The following MACROD2 variants were observed in gnomAD, a reference collection of about 807,000 sequenced individuals.
The protein encoded by MACROD2 is mono-ADP ribosylhydrolase 2.
Under a neutral mutation model 70.4 loss-of-function variants are expected in MACROD2, and 36 were observed. That is an observed-to-expected ratio of 0.51 (90% CI 0.39 to 0.68). The LOEUF is 0.68. Ranked by LOEUF, MACROD2 falls within the 30% of genes least tolerant of loss-of-function variation. MACROD2 has a pLI of 0.00. For missense variants in MACROD2, 496 were observed against 538.4 expected (o/e 0.92, Z 0.78); for synonymous variants, 172 against 178.8 (o/e 0.96, Z 0.30).
chr20:14,444,112 A>G (rs2084157010), intron 3 of MACROD2, among the ~76,000 whole-genome samples: 1 of 152,168 alleles, frequency 6.6e-6, no homozygotes, highest in Non-Finnish European at 1.5e-5. Flanking sequence ...ACTATATAAA[A>G]TGGACAAATA....
chr20:14,424,136 T>C (rs1268763967), intron 3 of MACROD2, among the ~76,000 whole-genome samples: 1 of 152,224 alleles, frequency 6.6e-6, no homozygotes, highest in African/African-American at 2.4e-5. Context: ...AAAGTAATTA[T>C]ACACAAACCA....
chr20:14,345,763 T>C (rs1488560057), intron 3 of MACROD2, among the ~76,000 whole-genome samples: 2 of 151,982 alleles, frequency 1.3e-5, no homozygotes, highest in East Asian at 3.9e-4. Flanking sequence ...CAACAAGTTG[T>C]TCATTATTTA....
intron 4 of MACROD2, among the ~76,000 whole-genome samples, chr20:14,616,977 C>A (rs373673732): frequency 8.5e-5 from 13 of 152,122 alleles, no homozygotes; most frequent in East Asian, 5.8e-4. Flanking sequence ...TTGAGAGTCT[C>A]AATTTTATTG....
intron 13 of MACROD2, among the ~76,000 whole-genome samples, chr20:15,977,500 A>C (rs549823624): frequency 8.5e-5 from 13 of 152,364 alleles, no homozygotes; most frequent in Non-Finnish European, 1.8e-4. Context: ...GTAGCATACA[A>C]GACTTTACCT....
chr20:14,235,597 A>T (rs2081862099), intron 3 of MACROD2, among the ~76,000 whole-genome samples: 1 of 152,168 alleles, frequency 6.6e-6, no homozygotes, highest in East Asian at 1.9e-4. Context: ...AGGAACAACC[A>T]ACTACATTTA....
At chr20:15,914,167 G>A (rs542447511) in intron 10 of MACROD2, among the ~76,000 whole-genome samples, 51 of 152,320 alleles carry the variant, frequency 3.3e-4, no homozygotes, top group African/African-American at 9.6e-4. Context: ...TGCCCTGTAT[G>A]TAATTTAGGT....
intron 7 of MACROD2, among the ~76,000 whole-genome samples, chr20:15,453,856 C>G (rs1279789705): frequency 2.0e-5 from 3 of 152,122 alleles, no homozygotes; most frequent in South Asian, 2.1e-4. Context: ...GCCAGTGCTT[C>G]TAGTTATCTC....
At chr20:15,142,559 C>T (rs541988426) in intron 5 of MACROD2, among the ~76,000 whole-genome samples, 10 of 152,070 alleles carry the variant, frequency 6.6e-5, no homozygotes, top group East Asian at 1.9e-4. Flanking sequence ...ATGTGCACAA[C>T]GTGCAGATTT....
At chr20:15,624,627 A>G (rs1322824601) in intron 8 of MACROD2, among the ~76,000 whole-genome samples, 8 of 152,194 alleles carry the variant, frequency 5.3e-5, no homozygotes, top group Non-Finnish European at 2.9e-5. Context: ...AGCCATGCCC[A>G]TTTTTAAAAT....
At chr20:14,405,554 C>T (rs1446700546) in intron 3 of MACROD2, among the ~76,000 whole-genome samples, 1 of 152,112 alleles carries the variant, frequency 6.6e-6, no homozygotes, top group Non-Finnish European at 1.5e-5. Flanking sequence ...CACTTGAACT[C>T]ATTAGAAGAT....
intron 5 of MACROD2, among the ~76,000 whole-genome samples, chr20:15,075,353 GA>G (rs1319775341): frequency 6.6e-5 from 10 of 152,186 alleles, no homozygotes; most frequent in Admixed American, 5.9e-4. Flanking sequence ...CATTTGGTCA[GA>G]AAACTAAAGG....
intron 5 of MACROD2, among the ~76,000 whole-genome samples, chr20:14,851,360 C>A (rs887705236): frequency 1.3e-5 from 2 of 152,098 alleles, no homozygotes; most frequent in African/African-American, 4.8e-5. Flanking sequence ...CAGCACAGAA[C>A]AATTACAATG....
intron 8 of MACROD2, among the ~76,000 whole-genome samples, chr20:15,815,032 G>T (rs1176726935): frequency 6.6e-6 from 1 of 152,152 alleles, no homozygotes; most frequent in African/African-American, 2.4e-5. Flanking sequence ...CAGGGCAGAG[G>T]GGGTACTTTA....
At chr20:15,888,618 C>T (rs1015867136) in intron 10 of MACROD2, among the ~76,000 whole-genome samples, 20 of 152,236 alleles carry the variant, frequency 1.3e-4, no homozygotes, top group Middle Eastern at 3.4e-3. Flanking sequence ...TGAGGTTCAG[C>T]GGCATTAATT....
chr20:15,373,189 T>C (rs1429110809), intron 6 of MACROD2, among the ~76,000 whole-genome samples: 2 of 152,238 alleles, frequency 1.3e-5, no homozygotes, highest in African/African-American at 2.4e-5. Context: ...TGATAGGCCA[T>C]GTTTCTATAA....
intron 3 of MACROD2, among the ~76,000 whole-genome samples, chr20:14,344,012 G>C (rs904003677): frequency 2.0e-5 from 3 of 152,034 alleles, no homozygotes; most frequent in African/African-American, 4.8e-5. Context: ...GAAATTGTCA[G>C]ATTTTTTTTT....
intron 8 of MACROD2, among the ~76,000 whole-genome samples, chr20:15,823,699 G>T (rs2063966501): frequency 6.6e-6 from 1 of 152,190 alleles, no homozygotes; most frequent in Admixed American, 6.6e-5. Context: ...CTTCCATACT[G>T]GAGGTGGTAG....
At chr20:14,981,999 C>T (rs1407609691) in intron 5 of MACROD2, among the ~76,000 whole-genome samples, 2 of 152,138 alleles carry the variant, frequency 1.3e-5, no homozygotes, top group African/African-American at 4.8e-5. Flanking sequence ...TGTTGAATGA[C>T]TTTGACAAAA....
chr20:14,327,178 T>A, intron 3 of MACROD2: 2 of 1,613,732 alleles, frequency 1.2e-6, no homozygotes, highest in African/African-American at 2.7e-5. Flanking sequence ...TTCTTGCAAA[T>A]GTAACTCTTT....
Sources: allele counts gnomAD v4.1 joint callset (sites outside exome capture counted in the v4.1 genomes callset), GRCh38; gene constraint gnomAD v4.1.1; transcripts MANE v1.5; gene names NCBI Gene and HGNC (gene_info 2026-07-23, HGNC 2026-07-21).